Variants in AUTS2 observed in about 807,000 individuals in gnomAD.
AUTS2 encodes the protein autism susceptibility gene 2 protein.
In AUTS2, 17 loss-of-function variants were observed where a neutral mutation model predicts 112.4. That is an observed-to-expected ratio of 0.15 (90% CI 0.10 to 0.23). The LOEUF (loss-of-function observed/expected upper bound fraction) is 0.23, where lower values mean the gene tolerates loss of function less well. AUTS2 is among the 10% of genes least tolerant of loss of function. AUTS2 has a pLI of 1.00. For synonymous variants in AUTS2, 751 were observed against 702.7 expected (o/e 1.07, Z -1.09); for missense variants, 1,510 against 1,701.6 (o/e 0.89, Z 1.98).
chr7:70,243,231 TTGTGTGTGTGTGTGTGTGTGTG>T (rs3078161), intron 4 of AUTS2, among the ~76,000 whole-genome samples: 9 of 131,752 alleles, frequency 6.8e-5, no homozygotes, highest in East Asian at 2.2e-4. Flanking sequence ...GAATGTATCC[TTGTGTGTGTGTGTGTGTGTGTG>T]TGTGTGTGTG....
intron 4 of AUTS2, among the ~76,000 whole-genome samples, chr7:70,137,655 G>A (rs1296285085): frequency 6.6e-6 from 1 of 152,052 alleles, no homozygotes; most frequent in African/African-American, 2.4e-5. Flanking sequence ...ATGTCTCTGA[G>A]TCTATTTCCT....
intron 4 of AUTS2, among the ~76,000 whole-genome samples, chr7:70,139,607 G>T (rs1020212502): frequency 1.3e-5 from 2 of 152,044 alleles, no homozygotes; most frequent in Non-Finnish European, 2.9e-5. Context: ...TCTTTTATTA[G>T]AACATTCAAA....
chr7:70,593,335 A>G (rs940232544), intron 5 of AUTS2, among the ~76,000 whole-genome samples: 3 of 152,182 alleles, frequency 2.0e-5, no homozygotes, highest in Admixed American at 1.3e-4. Flanking sequence ...CTGTTTTTAT[A>G]TCGTGTTTTA....
chr7:69,744,643 G>T (rs546119928), intron 1 of AUTS2, among the ~76,000 whole-genome samples: 1 of 148,500 alleles, frequency 6.7e-6, no homozygotes, highest in East Asian at 2.0e-4. Flanking sequence ...TACCAGTCTG[G>T]ACTACAAATC....
chr7:70,566,299 C>A, intron 5 of AUTS2, among the ~76,000 whole-genome samples: 1 of 152,160 alleles, frequency 6.6e-6, no homozygotes, highest in Non-Finnish European at 1.5e-5. Context: ...CATTGTATTT[C>A]AATTTCTATG....
intron 2 of AUTS2, among the ~76,000 whole-genome samples, chr7:69,953,082 G>T (rs1797085416): frequency 1.3e-5 from 2 of 152,242 alleles, no homozygotes; most frequent in South Asian, 4.2e-4. Flanking sequence ...CTAGAGAAGG[G>T]TTCATGTGCT....
At chr7:70,067,828 C>A (rs1268762994) in intron 2 of AUTS2, among the ~76,000 whole-genome samples, 1 of 150,340 alleles carries the variant, frequency 6.7e-6, no homozygotes, top group Non-Finnish European at 1.5e-5. Flanking sequence ...CTCCCCAGCC[C>A]AGGTGACAGA....
At chr7:70,540,479 C>T (rs896816811) in intron 5 of AUTS2, among the ~76,000 whole-genome samples, 2 of 152,252 alleles carry the variant, frequency 1.3e-5, no homozygotes, top group Middle Eastern at 3.4e-3. Context: ...GTGTGCAGCC[C>T]GGGGGAAGCA....
intron 14 of AUTS2, among the ~76,000 whole-genome samples, chr7:70,779,380 G>A (rs1186752463): frequency 6.6e-6 from 1 of 152,216 alleles, no homozygotes; most frequent in East Asian, 1.9e-4. Flanking sequence ...CGGGCTGGGG[G>A]CATGCATCCT....
chr7:69,950,938 C>A (rs533777631), intron 2 of AUTS2, among the ~76,000 whole-genome samples: 2 of 152,070 alleles, frequency 1.3e-5, no homozygotes, highest in African/African-American at 4.8e-5. Context: ...AGTTTGAGAC[C>A]AGCCAGGACA....
At chr7:69,999,879 G>A (rs985112065) in intron 2 of AUTS2, among the ~76,000 whole-genome samples, 13 of 152,214 alleles carry the variant, frequency 8.5e-5, no homozygotes, top group Non-Finnish European at 1.3e-4. Context: ...TTATGGAGAG[G>A]TGGTGGAAGA....
chr7:69,636,703 G>C (rs186818205), intron 1 of AUTS2, among the ~76,000 whole-genome samples: 15 of 152,174 alleles, frequency 9.9e-5, no homozygotes, highest in African/African-American at 3.6e-4. Flanking sequence ...AAACTGTTTT[G>C]TAGTATGCTT....
At chr7:69,877,978 T>C (rs1793878407) in intron 1 of AUTS2, among the ~76,000 whole-genome samples, 1 of 152,108 alleles carries the variant, frequency 6.6e-6, no homozygotes, top group African/African-American at 2.4e-5. Flanking sequence ...GCCATGGATC[T>C]TCCTAGGAGG....
chr7:70,163,352 G>GT (rs1808207907), intron 4 of AUTS2, among the ~76,000 whole-genome samples: 1 of 96,800 alleles, frequency 1.0e-5, no homozygotes, highest in Non-Finnish European at 2.5e-5. Context: ...GGTGGGGGGG[G>GT]GGGGGGCAGA....
intron 4 of AUTS2, among the ~76,000 whole-genome samples, chr7:70,305,793 G>A (rs1438209112): frequency 6.6e-6 from 1 of 152,138 alleles, no homozygotes; most frequent in Non-Finnish European, 1.5e-5. Flanking sequence ...TCAAGGTGCT[G>A]GAAATTATAT....
intron 6 of AUTS2, among the ~76,000 whole-genome samples, chr7:70,759,100 A>G (rs1585638796): frequency 6.6e-6 from 1 of 152,316 alleles, no homozygotes; most frequent in East Asian, 1.9e-4. Context: ...CTAACCCTCT[A>G]CACTTTAAGT....
intron 6 of AUTS2, among the ~76,000 whole-genome samples, chr7:70,758,242 T>TC (rs1789347080): frequency 6.6e-6 from 1 of 151,734 alleles, no homozygotes; most frequent in Admixed American, 6.6e-5. Flanking sequence ...ACCAGTCTCC[T>TC]AATGGTTACA....
chr7:69,983,532 G>C (rs1798382272), intron 2 of AUTS2, among the ~76,000 whole-genome samples: 1 of 151,998 alleles, frequency 6.6e-6, no homozygotes, highest in Non-Finnish European at 1.5e-5. Context: ...GTGTGTGTGT[G>C]TGAAGGTTAT....
chr7:70,729,161 C>T (rs1221086698), intron 6 of AUTS2: 1 of 456,582 alleles, frequency 2.2e-6, no homozygotes, highest in East Asian at 7.0e-5. Context: ...TGGTGCTTTC[C>T]AGAGCCTTTG....
Sources: allele counts gnomAD v4.1 joint callset (sites outside exome capture counted in the v4.1 genomes callset), GRCh38; gene constraint gnomAD v4.1.1; transcripts MANE v1.5; gene names NCBI Gene and HGNC (gene_info 2026-07-23, HGNC 2026-07-21).